The following ZFYVE19 variants were observed in gnomAD, a reference collection of about 807,000 sequenced individuals.
ZFYVE19 encodes abscission/NoCut checkpoint regulator.
ZFYVE19 carries 49 observed loss-of-function variants against 62.8 expected under a neutral mutation model. The ratio of observed to expected loss-of-function variants is 0.78; its 90% CI spans 0.62 to 0.99. The LOEUF (loss-of-function observed/expected upper bound fraction) is 0.99, where lower values mean the gene tolerates loss of function less well. Among genes scored for constraint, ZFYVE19 ranks in the 50% least tolerant of loss-of-function variants. The pLI, the probability that ZFYVE19 is intolerant of heterozygous loss-of-function variation, is 0.00. For missense variants in ZFYVE19, 630 were observed against 601.9 expected (o/e 1.05, Z -0.49); for synonymous variants, 242 against 234.3 (o/e 1.03, Z -0.30).
Position 40,809,352 on chromosome 15 carries a change from G to A in ZFYVE19, c.402-56G>A, listed in dbSNP as rs1016682233. The A allele has an allele frequency of 2.5e-6, 4 of 1,613,682 alleles. No homozygotes were observed. The African/African-American group carries it at 5.3e-5, about 22-fold the overall frequency. On this transcript the variant is annotated intron_variant, in intron 2 of 10. Coordinates refer to ENST00000355341, the MANE Select transcript of ZFYVE19 (RefSeq NM_001077268.2). The stretch of plus-strand genomic sequence containing the variant: ...GTCAGCCGAGGAAGTGTTTGGAGTG[G>A]GGGGCACTGCCTGGTGGGATGGCAG...
chr15:40,813,021 C>T (rs1890545725), intron 7 of ZFYVE19, 119 bp downstream of exon 7: 1 of 1,188,126 alleles, frequency 8.4e-7, no homozygotes, highest in African/African-American at 1.5e-5. Flanking sequence ...CCCAGAGCCA[C>T]AAGGAAGGTG....
rs756491362 is a variant in ZFYVE19, at chr15:40,810,669, C to T, written c.738C>T (p.Thr246=). The part of the protein sequence containing the change: ...TPQPAHHTPD[T]RTQAQQTQDL... ...TGCAGGCACATCACACACCGGACAC[C>T]AGGACCCAAGCCCAGCAGACACAGG... Residue 246 remains threonine (T), a synonymous_variant, in exon 6 of 11, where the codon ACC becomes ACT. Coordinates refer to ENST00000355341, the MANE Select transcript of ZFYVE19 (RefSeq NM_001077268.2). 42 of 1,572,936 alleles carry T rather than the reference C, an allele frequency of 2.7e-5. No individual in the cohort carries two copies. The highest frequency in any genetic ancestry group is 2.1e-4 in the South Asian group (18 of 85,378).
Position 40,809,249 on chromosome 15 carries a change from C to A in ZFYVE19, c.401+9C>A. ...CATGAGGTCCTGACCAGGTAAGAGGCAGGCATGGGTGAAAGTTCAGCCAAG... is the reference window on the plus strand; with the variant it reads ...CATGAGGTCCTGACCAGGTAAGAGGAAGGCATGGGTGAAAGTTCAGCCAAG... On this transcript the variant is annotated intron_variant, in intron 2 of 10. Coordinates refer to ENST00000355341, the MANE Select transcript of ZFYVE19 (RefSeq NM_001077268.2). The A allele has an allele frequency of 6.2e-7, 1 of 1,613,966 alleles. No homozygotes were observed. Among genetic ancestry groups the A allele is most frequent in the Non-Finnish European group, 8.5e-7 (1 of 1,179,920 alleles).
chr15:40,807,711 C>T lies in ZFYVE19; in HGVS notation c.122C>T (p.Ala41Val). The T allele has an allele frequency of 6.2e-7, 1 of 1,602,182 alleles. No homozygotes were observed. The highest frequency in any genetic ancestry group is 1.3e-5 in the African/African-American group (1 of 74,906). The change falls in exon 1 of 11, where the codon GCA becomes GTA. Residue 41 changes from alanine (A) to valine (V), a missense_variant. Coordinates refer to ENST00000355341, the MANE Select transcript of ZFYVE19 (RefSeq NM_001077268.2). The part of the protein sequence containing the change: ...GTVPVGVWGG[A>V]GQGREGRSWG... ...GTGCCAGTGGGCGTGTGGGGCGGGGCAGGGCAGGGAAGGGAAGGGCGGAGC... is the reference window on the plus strand; with the variant it reads ...GTGCCAGTGGGCGTGTGGGGCGGGGTAGGGCAGGGAAGGGAAGGGCGGAGC...
Position 40,810,746 on chromosome 15 carries a change from G to A in ZFYVE19, c.815G>A (p.Gly272Glu). The change falls in exon 6 of 11, where the codon GGA (glycine) becomes GAA (glutamate). Residue 272 changes from glycine (G) to glutamate (E), a missense_variant. Gly to Glu is a moderately conservative substitution (Grantham distance 98, BLOSUM62 -2). Transcript: ENST00000355341. ...AEVAIDESWK[G>E]GGPAASLQND... ...GTGGCTATCGATGAAAGCTGGAAAG[G>A]AGGAGGCCCAGGTAACCCCTCCACT... The A allele has an allele frequency of 1.9e-6, 3 of 1,561,030 alleles. No homozygotes were observed. Among genetic ancestry groups the A allele is most frequent in the South Asian group, 1.2e-5 (1 of 84,556 alleles).
rs772848089 is a variant in ZFYVE19 at position 40,814,024 on chromosome 15, CGCTGCGCTG to C, written c.1298_1306del (p.Ala433_Cys435del). The C allele has an allele frequency of 1.2e-6, 2 of 1,614,014 alleles. No individual in the cohort carries two copies. The highest frequency in any genetic ancestry group is 1.7e-6 in the Non-Finnish European group (2 of 1,179,948). ...CATCTGCAATGAGGATGCCACCCTA[CGCTGCGCTG>C]GCTGCGATGGGGACCTCTTCTGTGC... is the stretch of plus-strand genomic sequence containing the variant. On this transcript the variant is annotated inframe_deletion, in exon 10 of 11. Transcript: ENST00000355341.
intron 1 of ZFYVE19, chr15:40,808,783 C>T (rs1460680001): frequency 1.2e-5 from 4 of 330,156 alleles, no homozygotes; most frequent in Non-Finnish European, 2.3e-5. Context: ...GGCATCGGCT[C>T]TGCCCTGTCT....
Position 40,810,188 on chromosome 15 carries a change from G to C in ZFYVE19, c.689G>C (p.Arg230Thr), listed in dbSNP as rs746420972. The C allele has an allele frequency of 4.3e-6, 7 of 1,614,230 alleles. No individual in the cohort carries two copies. The highest frequency in any genetic ancestry group is 5.9e-6 in the Non-Finnish European group (7 of 1,180,036). The change falls in exon 5 of 11, where the codon AGA becomes ACA. Residue 230 changes from arginine (R) to threonine (T), a missense_variant. Coordinates refer to ENST00000355341, the MANE Select transcript of ZFYVE19 (RefSeq NM_001077268.2). ...GCACGACTTGCAGCGTTGCAGGGCA[G>C]AGTTCTACCTTCTCAAACCCCCCAG... The part of the protein sequence containing the change: ...MEARLAALQG[R>T]VLPSQTPQPA...
rs778715289 is a variant in ZFYVE19 at position 40,810,674 on chromosome 15, C to T, written c.743C>T (p.Thr248Ile). The T allele has an allele frequency of 6.4e-7, 1 of 1,574,744 alleles. No homozygotes were observed. Among genetic ancestry groups the T allele is most frequent in the Non-Finnish European group, 8.6e-7 (1 of 1,159,964 alleles). ...GCACATCACACACCGGACACCAGGA[C>T]CCAAGCCCAGCAGACACAGGATCTG... ...QPAHHTPDTRTQAQQTQDLLT... is the reference protein window; with the variant it reads ...QPAHHTPDTRIQAQQTQDLLT... The change falls in exon 6 of 11, where the codon ACC (threonine) becomes ATC (isoleucine). Residue 248 changes from threonine to isoleucine, a missense_variant. By Grantham distance (89) the Thr-to-Ile change is moderately conservative. Transcript: ENST00000355341.
Position 40,812,679 on chromosome 15 carries a change from G to A in ZFYVE19, c.827-20G>A. ...GATACTGGGATGTCTCGGCCTTGCT[G>A]ATGGCATTACCCCTTCCAGCTGCCT... On this transcript the variant is annotated intron_variant, in intron 6 of 10. Coordinates refer to ENST00000355341, the MANE Select transcript of ZFYVE19 (RefSeq NM_001077268.2). The A allele has an allele frequency of 1.2e-6, 2 of 1,601,224 alleles. No individual in the cohort carries two copies. Among genetic ancestry groups the A allele is most frequent in the Non-Finnish European group, 1.7e-6 (2 of 1,178,520 alleles).
At chr15:40,808,225 C>T in intron 1 of ZFYVE19, 1 of 1,595,492 alleles carries the variant, frequency 6.3e-7, no homozygotes, top group South Asian at 1.1e-5. Context: ...CCGTTACTCC[C>T]TCTGCTCTGA....
rs1890627323 is a variant in ZFYVE19, at chr15:40,815,079, G to C, written c.*853G>C. The C allele has an allele frequency of 6.6e-6, 1 of 152,544 alleles. No individual in the cohort carries two copies. Among genetic ancestry groups the C allele is most frequent in the South Asian group, 2.1e-4 (1 of 4,826 alleles). The allele number at this position is 152,544 out of a possible 1,614,324, so 9.4% of individuals were successfully genotyped here. A position where few individuals can be genotyped will look rare whatever the true frequency, so the allele number is the denominator to read the frequency against. ...CAACTATAAAGAGCCCTCGGGCTGA[G>C]GTCTACCTCCTGCATCACTTTTGGT... On this transcript the variant is annotated 3_prime_UTR_variant, in exon 11 of 11. Coordinates refer to ENST00000355341, the MANE Select transcript of ZFYVE19 (RefSeq NM_001077268.2).
At chr15:40,812,931 G>T in intron 7 of ZFYVE19, 29 bp downstream of exon 7, 1 of 1,603,672 alleles carries the variant, frequency 6.2e-7, no homozygotes. Flanking sequence ...CTGCTCACTG[G>T]TATCCCTTGG....
Position 40,810,649 on chromosome 15 carries a change from G to A in ZFYVE19, c.718G>A (p.Ala240Thr), listed in dbSNP as rs61734894. 29 of 1,563,622 alleles carry A rather than the reference G, an allele frequency of 1.9e-5. No individual in the cohort carries two copies. In the African/African-American group the frequency reaches 2.0e-4, roughly 11 times the overall value. ...RVLPSQTPQP[A>T]HHTPDTRTQA... ...CACTGAGGTTTCCTCGTCTGTGCAG[G>A]CACATCACACACCGGACACCAGGAC... is the stretch of plus-strand genomic sequence containing the variant. The change falls in exon 6 of 11, where the codon GCA becomes ACA. Residue 240 changes from alanine to threonine, a missense_variant and splice_region_variant. Physicochemically the swap from Ala to Thr is moderately conservative, Grantham distance 58. Coordinates refer to ENST00000355341, the MANE Select transcript of ZFYVE19 (RefSeq NM_001077268.2).
chr15:40,814,359 T>C lies in ZFYVE19; in HGVS notation c.*133T>C, dbSNP rs1001595906. The stretch of plus-strand genomic sequence containing the variant: ...GGATAGGCCCCTTCCTGAGCCTTGG[T>C]GTCCCTGGAATGAGGAAAGATTCTC... On this transcript the variant is annotated 3_prime_UTR_variant, in exon 11 of 11. Transcript: ENST00000355341. 1 of 1,012,292 alleles carries C rather than the reference T, an allele frequency of 9.9e-7. No homozygotes were observed. Among genetic ancestry groups the C allele is most frequent in the Non-Finnish European group, 1.5e-6 (1 of 687,296 alleles). The allele number at this position is 1,012,292 out of a possible 1,614,324, so 62.7% of individuals were successfully genotyped here.
intron 1 of ZFYVE19, chr15:40,808,424 A>T (rs769593681): frequency 6.3e-7 from 1 of 1,588,736 alleles, no homozygotes; most frequent in Admixed American, 1.7e-5. Context: ...CCAGGAGATG[A>T]TGGGAACTAG....
At position 40,813,694 on chromosome 15, in the gene ZFYVE19, A is replaced by G. The variant is rs754384178; in HGVS notation, c.1111-19A>G. The G allele has an allele frequency of 2.5e-6, 4 of 1,606,202 alleles. No individual in the cohort carries two copies. Among genetic ancestry groups the G allele is most frequent in the African/African-American group, 1.3e-5 (1 of 74,762 alleles). ...TGGGCCTGAAGCAGGGGAGTAGTAC[A>G]TCTTCACCCTGTCCGCAGCTCACTG... is the stretch of plus-strand genomic sequence containing the variant. On this transcript the variant is annotated intron_variant, in intron 8 of 10. Transcript: ENST00000355341.
At position 40,814,230 on chromosome 15, in the gene ZFYVE19, C is replaced by T. The variant is rs117862382; in HGVS notation, c.*4C>T. 0.026 allele frequency: 42,018 copies of T among 1,614,092 alleles called. 613 individuals carry two copies. Among genetic ancestry groups the T allele is most frequent in the Middle Eastern group, 0.052 (313 of 6,038 alleles). ...ACGTGCAGGCCAAGAGCACTGAAGA[C>T]ACCCTGGTCCTCCCGGAAGGGCAGT... is the stretch of plus-strand genomic sequence containing the variant. On this transcript the variant is annotated 3_prime_UTR_variant, in exon 11 of 11. Transcript: ENST00000355341.
chr15:40,810,767 C>A lies in ZFYVE19; in HGVS notation c.826+10C>A. On this transcript the variant is annotated intron_variant, in intron 6 of 10. Coordinates refer to ENST00000355341, the MANE Select transcript of ZFYVE19 (RefSeq NM_001077268.2). ...AAAGGAGGAGGCCCAGGTAACCCCTCCACTTGGCTCCCTAGGAATCTGCCC... is the reference window on the plus strand; with the variant it reads ...AAAGGAGGAGGCCCAGGTAACCCCTACACTTGGCTCCCTAGGAATCTGCCC... The A allele has an allele frequency of 6.4e-7, 1 of 1,553,966 alleles. No homozygotes were observed. The highest frequency in any genetic ancestry group is 1.4e-5 in the African/African-American group (1 of 73,410).
Sources: allele counts gnomAD v4.1 joint callset, GRCh38; gene constraint gnomAD v4.1.1; transcripts MANE v1.5; gene names NCBI Gene and HGNC (gene_info 2026-07-23, HGNC 2026-07-21).